DLC1: variants seen among roughly 807,000 people sequenced by gnomAD.
DLC1 encodes rho GTPase-activating protein 7.
A neutral mutation model predicts 140.3 loss-of-function variants in DLC1; 54 were observed. That is an observed-to-expected ratio of 0.38 (90% confidence interval 0.31 to 0.48). The LOEUF (loss-of-function observed/expected upper bound fraction) is 0.48. Among genes scored for constraint, DLC1 ranks in the 20% least tolerant of loss-of-function variants. The pLI is 0.96. For missense variants in DLC1, 2,536 were observed against 1,907.0 expected, an observed-to-expected ratio of 1.33 and a Z score of -6.14; for synonymous variants, 986 against 728.1, an observed-to-expected ratio of 1.35 and a Z score of -5.70.
chr8:13,405,384 A>G (rs1477789447), intron 2 of DLC1, among the ~76,000 whole-genome samples: 2 of 152,060 alleles, frequency 1.3e-5, no homozygotes, highest in African/African-American at 2.4e-5. Flanking sequence ...TTATATTGAC[A>G]TTTATACTTA....
chr8:13,201,805 T>C (rs1388132659), intron 5 of DLC1, among the ~76,000 whole-genome samples: 1 of 152,114 alleles, frequency 6.6e-6, no homozygotes, highest in Non-Finnish European at 1.5e-5. Flanking sequence ...CAAACATTTA[T>C]TTATTTTATG....
intron 5 of DLC1, among the ~76,000 whole-genome samples, chr8:13,257,808 T>C (rs1443543600): frequency 6.6e-6 from 1 of 151,454 alleles, no homozygotes; most frequent in Admixed American, 6.6e-5. Context: ...CAGCTGTCCT[T>C]GCTGGAGTGC....
chr8:13,531,109 A>G (rs1564547), intron 1 of DLC1, among the ~76,000 whole-genome samples: 19,487 of 152,176 alleles, frequency 0.13, 1,846 homozygotes, highest in East Asian at 0.38. Context: ...GTGGCAGCCT[A>G]GAACTCAGGA....
intron 5 of DLC1, among the ~76,000 whole-genome samples, chr8:13,126,400 CGT>C (rs1372745263): frequency 5.3e-5 from 8 of 151,132 alleles, no homozygotes; most frequent in African/African-American, 1.2e-4. Flanking sequence ...CACACACACA[CGT>C]GTACGTATTT....
At chr8:13,599,995 T>G (rs73213948) in intron 1 of DLC1, among the ~76,000 whole-genome samples, 276 of 152,044 alleles carry the variant, frequency 1.8e-3, no homozygotes, top group Middle Eastern at 0.014. Context: ...CAAATGAGCC[T>G]TGCCTGAAAT....
intron 5 of DLC1, among the ~76,000 whole-genome samples, chr8:13,268,361 T>A (rs540591445): frequency 1.3e-5 from 2 of 152,058 alleles, no homozygotes; most frequent in Non-Finnish European, 2.9e-5. Flanking sequence ...GTTGTCCAGG[T>A]TGGAGTGCAG....
chr8:13,538,185 G>C (rs76103516), intron 1 of DLC1, among the ~76,000 whole-genome samples: 4,249 of 152,188 alleles, frequency 0.028, 129 homozygotes, highest in East Asian at 0.16. Context: ...AGTGGGAGCA[G>C]AGATAATATG....
chr8:13,402,728 G>A (rs189917978), intron 2 of DLC1, among the ~76,000 whole-genome samples: 4 of 152,270 alleles, frequency 2.6e-5, no homozygotes, highest in Admixed American at 1.3e-4. Flanking sequence ...GTGATGGTTC[G>A]TTGTGAGATG....
intron 1 of DLC1, among the ~76,000 whole-genome samples, chr8:13,592,488 C>G (rs1219204289): frequency 6.6e-6 from 1 of 151,830 alleles, no homozygotes. Flanking sequence ...TTTACGTGTT[C>G]TTTTCCATCC....
chr8:13,092,970 G>A, intron 12 of DLC1, 145 bp from the exon 13 acceptor site: 1 of 907,916 alleles, frequency 1.1e-6, no homozygotes, highest in Non-Finnish European at 1.6e-6. Flanking sequence ...GGTTAATACG[G>A]TAAAAGTTAT....
chr8:13,374,498 C>T (rs1237804124), intron 4 of DLC1, among the ~76,000 whole-genome samples: 2 of 152,086 alleles, frequency 1.3e-5, no homozygotes, highest in Admixed American at 6.6e-5. Flanking sequence ...AAGAATGTCA[C>T]CCCAGGCCGG....
intron 2 of DLC1, among the ~76,000 whole-genome samples, chr8:13,413,244 G>C (rs1172688392): frequency 1.7e-5 from 1 of 60,422 alleles, no homozygotes; most frequent in African/African-American, 5.1e-5. Context: ...AACATTATGA[G>C]ATTTTTTTGC....
intron 5 of DLC1, among the ~76,000 whole-genome samples, chr8:13,185,465 G>C (rs1253813950): frequency 6.6e-6 from 1 of 151,614 alleles, no homozygotes; most frequent in African/African-American, 2.4e-5. Context: ...CCGCCACCAC[G>C]CCCGGCTAAT....
chr8:13,269,448 A>C (rs1004733354), intron 5 of DLC1, among the ~76,000 whole-genome samples: 15 of 152,132 alleles, frequency 9.9e-5, no homozygotes, highest in Non-Finnish European at 2.2e-4. Flanking sequence ...TTCAAGAGTG[A>C]CAAGCTGGGC....
chr8:13,462,695 C>T (rs1169137570), intron 2 of DLC1, among the ~76,000 whole-genome samples: 2 of 152,108 alleles, frequency 1.3e-5, no homozygotes, highest in African/African-American at 4.8e-5. Flanking sequence ...CGTGAGCCAC[C>T]GCGCCCGGCC....
At chr8:13,513,549 T>C (rs1054811208) in intron 1 of DLC1, among the ~76,000 whole-genome samples, 2 of 152,102 alleles carry the variant, frequency 1.3e-5, no homozygotes, top group Non-Finnish European at 2.9e-5. Flanking sequence ...GTATATTTTG[T>C]ATTCATCTAA....
intron 5 of DLC1, among the ~76,000 whole-genome samples, chr8:13,160,574 T>G (rs1296445627): frequency 1.3e-5 from 2 of 152,230 alleles, no homozygotes; most frequent in African/African-American, 4.8e-5. Flanking sequence ...AATCTCTCCT[T>G]ACTTTCTTCC....
At chr8:13,327,100 G>T (rs1833384306) in intron 4 of DLC1, among the ~76,000 whole-genome samples, 1 of 145,762 alleles carries the variant, frequency 6.9e-6, no homozygotes, top group Admixed American at 7.0e-5. Flanking sequence ...GACTATAGGC[G>T]CCCGCCACCA....
chr8:13,576,499 G>A (rs1279965635), intron 1 of DLC1, among the ~76,000 whole-genome samples: 2 of 152,160 alleles, frequency 1.3e-5, no homozygotes, highest in African/African-American at 4.8e-5. Context: ...ATAGAAATAT[G>A]TTGCCTCCAG....
Sources: allele counts gnomAD v4.1 joint callset (sites outside exome capture counted in the v4.1 genomes callset), GRCh38; gene constraint gnomAD v4.1.1; transcripts MANE v1.5; gene names NCBI Gene and HGNC (gene_info 2026-07-23, HGNC 2026-07-21).